Variants in USH1G observed in about 807,000 individuals in gnomAD.
The protein encoded by USH1G is USH1 protein network component sans.
A neutral mutation model predicts 31.9 loss-of-function variants in USH1G; 27 were observed. The observed-to-expected ratio is 0.85, with a 90% CI of 0.62 to 1.17. The LOEUF (loss-of-function observed/expected upper bound fraction) is 1.17, where lower values mean the gene tolerates loss of function less well. USH1G is among the 50% of genes most tolerant of loss of function. The probability of loss-of-function intolerance (pLI) is 0.00; values close to 1 mark genes in which losing one functional copy is unlikely to be tolerated. For synonymous variants in USH1G, 266 were observed against 283.2 expected (o/e 0.94, Z 0.61); for missense variants, 674 against 638.9 (o/e 1.05, Z -0.59).
rs2144747592 is a variant in USH1G at position 74,916,891 on chromosome 17, G to A, written c.*1182C>T. 2.0e-5 allele frequency: 3 copies of A among 152,398 alleles called. No individual in the cohort carries two copies. The highest frequency in any genetic ancestry group is 4.4e-5 in the Non-Finnish European group (3 of 68,392). 9.4% of individuals were successfully genotyped at this position (152,398 alleles called of 1,614,324 possible). On this transcript the variant is annotated 3_prime_UTR_variant, in exon 3 of 3. Transcript: ENST00000614341. ...CGTGAGTGTGCACACACGCACACAT[G>A]CACACACACACACATGCATGCACAC...
rs769185090 is a variant in USH1G at position 74,919,970 on chromosome 17, G to A, written c.866C>T (p.Ala289Val). 1.2e-6 allele frequency: 2 copies of A among 1,611,710 alleles called. No individual in the cohort carries two copies. Among genetic ancestry groups the A allele is most frequent in the Admixed American group, 1.7e-5 (1 of 59,982 alleles). The change falls in exon 2 of 3, where the codon GCG becomes GTG. Residue 289 changes from alanine (A) to valine (V), a missense_variant. Ala to Val is a moderately conservative substitution (Grantham distance 64, BLOSUM62 0). Transcript: ENST00000614341. This position sits in a 1 kb window ranked among gnomAD's most constrained non-coding sequence, Gnocchi z 4.5. The stretch of plus-strand genomic sequence containing the variant: ...GACCTCCGAGTGGGCAGGCTCGGCC[G>A]CCAGCGTGGCACGGGAGACGCTGTC... Reference protein sequence around the residue: ...DEDSVSRATLAAEPAHSEVST... With the variant: ...DEDSVSRATLVAEPAHSEVST...
At position 74,918,220 on chromosome 17, in the gene USH1G, G is replaced by T; in HGVS notation, c.1383-144C>A. On this transcript the variant is annotated intron_variant, in intron 2 of 2. Transcript: ENST00000614341. The surrounding 1 kb of genome is among the most constrained non-coding windows in gnomAD (Gnocchi z 4.1). ...CAGGGATGGGGGACGCCAGCCTATGGGTGACCTCCCCATCCCCAAAACTCT... is the reference window on the plus strand; with the variant it reads ...CAGGGATGGGGGACGCCAGCCTATGTGTGACCTCCCCATCCCCAAAACTCT... 8.8e-7 allele frequency: 1 copy of T among 1,134,492 alleles called. No individual in the cohort carries two copies. 70.3% of individuals were successfully genotyped at this position (1,134,492 alleles called of 1,614,324 possible). A position where few individuals can be genotyped will look rare whatever the true frequency, so the allele number is the denominator to read the frequency against.
chr17:74,920,325 C>G lies in USH1G; in HGVS notation c.511G>C (p.Glu171Gln), dbSNP rs201866631. The change falls in exon 2 of 3, where the codon GAG becomes CAG. Residue 171 changes from glutamate to glutamine, a missense_variant. Glu to Gln is a conservative substitution (Grantham distance 29, BLOSUM62 2). Coordinates refer to ENST00000614341, the MANE Select transcript of USH1G (RefSeq NM_173477.5). This position sits in a 1 kb window ranked among gnomAD's most constrained non-coding sequence, Gnocchi z 5.2. Reference protein sequence around the residue: ...MERRYRRELAERSDTLSFSSL... With the variant: ...MERRYRRELAQRSDTLSFSSL... ...GAGAAGCTGAGGGTGTCGGAACGCT[C>G]GGCCAGCTCGCGCCGGTATCGCCGC... is the stretch of plus-strand genomic sequence containing the variant. The G allele has an allele frequency of 6.2e-7, 1 of 1,608,888 alleles. No individual in the cohort carries two copies. The highest frequency in any genetic ancestry group is 2.2e-5 in the East Asian group (1 of 44,816).
Position 74,923,148 on chromosome 17 carries a change from C to T in USH1G, c.-75G>A, listed in dbSNP as rs1567942088. ...GCAGGGGAGGGCGGCGGTATTAGGGCTGAGGCATGAGGTTGGAGGACGGGG... is the reference window on the plus strand; with the variant it reads ...GCAGGGGAGGGCGGCGGTATTAGGGTTGAGGCATGAGGTTGGAGGACGGGG... On this transcript the variant is annotated 5_prime_UTR_variant, in exon 1 of 3. Transcript: ENST00000614341. The surrounding 1 kb of genome is among the most constrained non-coding windows in gnomAD (Gnocchi z 5.3). 1 of 1,425,258 alleles carries T rather than the reference C, an allele frequency of 7.0e-7. No homozygotes were observed. The highest frequency in any genetic ancestry group is 9.4e-7 in the Non-Finnish European group (1 of 1,067,238). 88.3% of individuals were successfully genotyped at this position (1,425,258 alleles called of 1,614,324 possible). A position where few individuals can be genotyped will look rare whatever the true frequency, so the allele number is the denominator to read the frequency against.
Position 74,916,941 on chromosome 17 carries a change from A to C in USH1G, c.*1132T>G, listed in dbSNP as rs911504003. ...CACACACATGCACACACATGCATGC[A>C]CACACACAAACACGCACGCGTTCAC... On this transcript the variant is annotated 3_prime_UTR_variant, in exon 3 of 3. Coordinates refer to ENST00000614341, the MANE Select transcript of USH1G (RefSeq NM_173477.5). 6.5e-6 allele frequency: 1 copy of C among 152,842 alleles called. No homozygotes were observed. 9.5% of individuals were successfully genotyped at this position (152,842 alleles called of 1,614,324 possible). A position where few individuals can be genotyped will look rare whatever the true frequency, so the allele number is the denominator to read the frequency against.
At position 74,920,003 on chromosome 17, in the gene USH1G, G is replaced by T. The variant is rs1450585986; in HGVS notation, c.833C>A (p.Ser278Ter). The change falls in exon 2 of 3, where the codon TCG (serine) becomes TAG (stop). Residue 278 changes from serine to a stop codon, truncating the protein, a stop_gained. Coordinates refer to ENST00000614341, the MANE Select transcript of USH1G (RefSeq NM_173477.5). LOFTEE classifies it high-confidence loss of function. This position sits in a 1 kb window ranked among gnomAD's most constrained non-coding sequence, Gnocchi z 5.2. The part of the protein sequence containing the change: ...GRAPLRDMFL[S>*]DEDSVSRATL... Reference sequence around the variant, plus strand: ...GGCACGGGAGACGCTGTCCTCGTCCGAGAGGAACATGTCCCGGAGCGGGGC... The same window carrying T: ...GGCACGGGAGACGCTGTCCTCGTCCTAGAGGAACATGTCCCGGAGCGGGGC... The T allele has an allele frequency of 6.2e-7, 1 of 1,612,160 alleles. No individual in the cohort carries two copies. Among genetic ancestry groups the T allele is most frequent in the Non-Finnish European group, 8.5e-7 (1 of 1,179,654 alleles).
In USH1G at chr17:74,919,237, G is replaced by C. The variant is rs2038899587; in HGVS notation, c.1382+217C>G. On this transcript the variant is annotated intron_variant, in intron 2 of 2. Transcript: ENST00000614341. The surrounding 1 kb of genome is among the most constrained non-coding windows in gnomAD (Gnocchi z 4.5). ...CAGAATCGAGGTGCACTTTCACTGTGATAAGAATGCCTCGGGTCATCATTA... is the reference window on the plus strand; with the variant it reads ...CAGAATCGAGGTGCACTTTCACTGTCATAAGAATGCCTCGGGTCATCATTA... 6.6e-6 allele frequency among the ~76,000 whole-genome samples: 1 copy of C among 152,160 alleles called. No homozygotes were observed. Among genetic ancestry groups the C allele is most frequent in the Non-Finnish European group, 1.5e-5 (1 of 68,026 alleles).
rs532015156 is a variant in USH1G at position 74,918,487 on chromosome 17, C to T, written c.1383-411G>A. 2.6e-5 allele frequency among the ~76,000 whole-genome samples: 4 copies of T among 152,312 alleles called. No individual in the cohort carries two copies. In the East Asian group the frequency reaches 5.8e-4, roughly 22 times the overall value. On this transcript the variant is annotated intron_variant, in intron 2 of 2. Transcript: ENST00000614341. This position sits in a 1 kb window ranked among gnomAD's most constrained non-coding sequence, Gnocchi z 4.1. The stretch of plus-strand genomic sequence containing the variant: ...TGACCCTCTTGGGAGCATTTGCCCA[C>T]GTTCCTGATTGCAAAGTTCAGGAAC...
At chr17:74,922,856 G>T in intron 1 of USH1G, 54 bp downstream of exon 1, 6 of 1,518,068 alleles carry the variant, frequency 4.0e-6, no homozygotes, top group Non-Finnish European at 4.4e-6. Context: ...TGGTGGACGA[G>T]GAAGTTTGGG....
rs370027457 is a variant in USH1G, at chr17:74,920,155, G to A, written c.681C>T (p.Gly227=). 3.1e-6 allele frequency: 5 copies of A among 1,602,092 alleles called. No homozygotes were observed. In the Admixed American group the frequency reaches 5.0e-5, roughly 16 times the overall value. Residue 227 remains glycine (G), a synonymous_variant, in exon 2 of 3, where the codon GGC becomes GGT. Coordinates refer to ENST00000614341, the MANE Select transcript of USH1G (RefSeq NM_173477.5). This position sits in a 1 kb window ranked among gnomAD's most constrained non-coding sequence, Gnocchi z 5.2. ...QKKLERRKQG[G]EGTFKVSEDG... ...CCTCGGAGACCTTGAAGGTGCCTTC[G>A]CCGCCCTGCTTGCGCCGCTCCAGCT...
Position 74,922,904 on chromosome 17 carries a change from A to G in USH1G, c.164+6T>C. 6.5e-7 allele frequency: 1 copy of G among 1,543,202 alleles called. No individual in the cohort carries two copies. The highest frequency in any genetic ancestry group is 8.8e-7 in the Non-Finnish European group (1 of 1,141,040). On this transcript the variant is annotated splice_donor_region_variant and intron_variant, in intron 1 of 2. Transcript: ENST00000614341. ...GCCTCAAGGGCACTGGGTGGGGCGT[A>G]CTCACCCGCGGCTCACAATGAGACG...
In USH1G at chr17:74,920,049, T is replaced by C; in HGVS notation, c.787A>G (p.Asn263Asp). Residue 263 changes from asparagine (N) to aspartate (D), a missense_variant, in exon 2 of 3, where the codon AAT (asparagine) becomes GAT (aspartate). By Grantham distance (23) the Asn-to-Asp change is conservative. Transcript: ENST00000614341. This position sits in a 1 kb window ranked among gnomAD's most constrained non-coding sequence, Gnocchi z 5.2. ...VMFVRQGTYANPKEWGRAPLR... is the reference protein window; with the variant it reads ...VMFVRQGTYADPKEWGRAPLR... ...GGGGCTCGGCCCCACTCCTTGGGAT[T>C]GGCGTAGGTGCCCTGGCGCACGAAC... 1 of 1,609,770 alleles carries C rather than the reference T, an allele frequency of 6.2e-7. No homozygotes were observed. Among genetic ancestry groups the C allele is most frequent in the Admixed American group, 1.7e-5 (1 of 60,014 alleles).
In USH1G at chr17:74,921,522, C is replaced by G. The variant is rs2038943236; in HGVS notation, c.165-851G>C. On this transcript the variant is annotated intron_variant, in intron 1 of 2. Coordinates refer to ENST00000614341, the MANE Select transcript of USH1G (RefSeq NM_173477.5). The surrounding 1 kb of genome is among the most constrained non-coding windows in gnomAD (Gnocchi z 4.6). ...TCCCTTGGGGGCCCAGCACAGCACCCCTGCCCTGCACTAATGAGGCCACAA... is the reference window on the plus strand; with the variant it reads ...TCCCTTGGGGGCCCAGCACAGCACCGCTGCCCTGCACTAATGAGGCCACAA... Among the ~76,000 whole-genome samples the G allele has an allele frequency of 6.6e-6, 1 of 152,290 alleles. No individual in the cohort carries two copies. Among genetic ancestry groups the G allele is most frequent in the East Asian group, 1.9e-4 (1 of 5,174 alleles).
chr17:74,920,451 G>A lies in USH1G; in HGVS notation c.385C>T (p.Pro129Ser), dbSNP rs375077331. The A allele has an allele frequency of 3.7e-6, 6 of 1,613,744 alleles. No individual in the cohort carries two copies. The highest frequency in any genetic ancestry group is 1.6e-4 in the Middle Eastern group (1 of 6,062). ...TCCTTCAGCTTACCCACCAGCTTGG[G>A]GTTGAGGCTGCTCTGCTTGGCCGCG... is the stretch of plus-strand genomic sequence containing the variant. The part of the protein sequence containing the change: ...SIAAKQSSLN[P>S]KLVGKLKDKA... The change falls in exon 2 of 3, where the codon CCC (proline) becomes TCC (serine). Residue 129 changes from proline (P) to serine (S), a missense_variant. Pro to Ser is a moderately conservative substitution (Grantham distance 74, BLOSUM62 -1). Coordinates refer to ENST00000614341, the MANE Select transcript of USH1G (RefSeq NM_173477.5). This position sits in a 1 kb window ranked among gnomAD's most constrained non-coding sequence, Gnocchi z 5.2.
In USH1G at chr17:74,918,320, T is replaced by C. The variant is rs910389112; in HGVS notation, c.1383-244A>G. On this transcript the variant is annotated intron_variant, in intron 2 of 2. Transcript: ENST00000614341. The surrounding 1 kb of genome is among the most constrained non-coding windows in gnomAD (Gnocchi z 4.1). The stretch of plus-strand genomic sequence containing the variant: ...ACGGCCATAGATACCTAAGAGGAAA[T>C]GAGGACAAAGTTTGTTGGGCCTGTG... Among the ~76,000 whole-genome samples the C allele has an allele frequency of 6.6e-6, 1 of 151,944 alleles. No individual in the cohort carries two copies. The highest frequency in any genetic ancestry group is 2.4e-5 in the African/African-American group (1 of 41,368).
chr17:74,919,182 G>C lies in USH1G; in HGVS notation c.1382+272C>G, dbSNP rs1046288021. Among the ~76,000 whole-genome samples, 1 of 152,158 alleles carries C rather than the reference G, an allele frequency of 6.6e-6. No homozygotes were observed. The highest frequency in any genetic ancestry group is 2.4e-5 in the African/African-American group (1 of 41,424). Reference sequence around the variant, plus strand: ...GACTGTTGAAATTCATTGACATTAAGAGGCCCATTTCCCCACTTGTCGATG... The same window carrying C: ...GACTGTTGAAATTCATTGACATTAACAGGCCCATTTCCCCACTTGTCGATG... On this transcript the variant is annotated intron_variant, in intron 2 of 2. Transcript: ENST00000614341. This position sits in a 1 kb window ranked among gnomAD's most constrained non-coding sequence, Gnocchi z 4.5.
rs2038891761 is a variant in USH1G, at chr17:74,918,420, T to A, written c.1383-344A>T. On this transcript the variant is annotated intron_variant, in intron 2 of 2. Coordinates refer to ENST00000614341, the MANE Select transcript of USH1G (RefSeq NM_173477.5). The surrounding 1 kb of genome is among the most constrained non-coding windows in gnomAD (Gnocchi z 4.1). ...TTGTGGTGGCAGCCTTGGGCAACTA[T>A]GACGGCCTTTGGAACATGAACTCTG... is the stretch of plus-strand genomic sequence containing the variant. Among the ~76,000 whole-genome samples, 1 of 152,218 alleles carries A rather than the reference T, an allele frequency of 6.6e-6. No homozygotes were observed. Among genetic ancestry groups the A allele is most frequent in the African/African-American group, 2.4e-5 (1 of 41,446 alleles).
rs1219469632 is a variant in USH1G, at chr17:74,923,149, T to C, written c.-76A>G. On this transcript the variant is annotated 5_prime_UTR_variant, in exon 1 of 3. Transcript: ENST00000614341. This position sits in a 1 kb window ranked among gnomAD's most constrained non-coding sequence, Gnocchi z 5.3. ...CAGGGGAGGGCGGCGGTATTAGGGC[T>C]GAGGCATGAGGTTGGAGGACGGGGC... 9 of 1,393,872 alleles carry C rather than the reference T, an allele frequency of 6.5e-6. No individual in the cohort carries two copies. The East Asian group carries it at 2.5e-4, about 39-fold the overall frequency. 86.3% of individuals were successfully genotyped at this position (1,393,872 alleles called of 1,614,324 possible). A position where few individuals can be genotyped will look rare whatever the true frequency, so the allele number is the denominator to read the frequency against.
At position 74,920,782 on chromosome 17, in the gene USH1G, G is replaced by A; in HGVS notation, c.165-111C>T. The A allele has an allele frequency of 1.4e-6, 2 of 1,474,790 alleles. No individual in the cohort carries two copies. The highest frequency in any genetic ancestry group is 1.3e-5 in the South Asian group (1 of 78,036). 91.4% of individuals were successfully genotyped at this position (1,474,790 alleles called of 1,614,324 possible). ...CCCACTGTCACAGCAACCCCCAAAG[G>A]GACCGTGGGCCTGAGATCTCTCCCA... On this transcript the variant is annotated intron_variant, in intron 1 of 2. Transcript: ENST00000614341. The surrounding 1 kb of genome is among the most constrained non-coding windows in gnomAD (Gnocchi z 5.2).
Sources: allele counts gnomAD v4.1 joint callset (sites outside exome capture counted in the v4.1 genomes callset), GRCh38; gene constraint gnomAD v4.1.1; non-coding constraint Gnocchi (gnomAD v3.1); transcripts MANE v1.5; gene names NCBI Gene and HGNC (gene_info 2026-07-23, HGNC 2026-07-21).